Variants in HYDIN observed in about 807,000 individuals in gnomAD.
HYDIN encodes axonemal central pair apparatus protein HYDIN.
Under a neutral mutation model 403.9 loss-of-function variants are expected in HYDIN, and 132 were observed. The observed-to-expected ratio is 0.33, with a 90% CI of 0.28 to 0.38. The LOEUF (loss-of-function observed/expected upper bound fraction) is 0.38, where lower values mean the gene tolerates loss of function less well. Among genes scored for constraint, HYDIN ranks in the 10% least tolerant of loss-of-function variants. HYDIN has a pLI of 1.00. For missense variants in HYDIN, 2,827 were observed against 5,009.5 expected (o/e 0.56, Z 13.15); for synonymous variants, 1,202 against 1,891.7 (o/e 0.64, Z 9.46).
chr16:71,051,660 C>CAAAAAAA (rs1219589325), intron 18 of HYDIN, among the ~76,000 whole-genome samples: 1 of 90,344 alleles, frequency 1.1e-5, no homozygotes, highest in African/African-American at 3.8e-5. Flanking sequence ...AAAAAAAAAA[C>CAAAAAAA]AAAAAAAACA....
intron 37 of HYDIN, among the ~76,000 whole-genome samples, chr16:70,962,546 C>T (rs1416452143): frequency 1.3e-5 from 2 of 152,160 alleles, no homozygotes; most frequent in Admixed American, 6.5e-5. Flanking sequence ...TGAAACTAAG[C>T]TTGGGGTTAT....
chr16:70,960,699 C>CA (rs1291066718), intron 38 of HYDIN, among the ~76,000 whole-genome samples: 2 of 152,086 alleles, frequency 1.3e-5, no homozygotes, highest in East Asian at 3.9e-4. Context: ...TTCTGTTTTT[C>CA]TTTTTTTTCT....
At chr16:71,220,083 A>G (rs1958707387) in intron 1 of HYDIN, among the ~76,000 whole-genome samples, 1 of 152,188 alleles carries the variant, frequency 6.6e-6, no homozygotes, top group Non-Finnish European at 1.5e-5. Flanking sequence ...CCCCCAGAAG[A>G]TTAACATAAA....
chr16:71,107,818 TG>T (rs1426174697), intron 10 of HYDIN, among the ~76,000 whole-genome samples: 6 of 152,214 alleles, frequency 3.9e-5, no homozygotes, highest in Non-Finnish European at 7.3e-5. Context: ...ATACCATTAC[TG>T]GGTATAAACC....
At chr16:71,176,797 A>C (rs1232575991) in intron 4 of HYDIN, among the ~76,000 whole-genome samples, 2 of 152,270 alleles carry the variant, frequency 1.3e-5, no homozygotes, top group African/African-American at 4.8e-5. Flanking sequence ...TTAAAATCAC[A>C]AGTGTTCTGG....
In HYDIN at chr16:70,841,658, C is replaced by A. The variant is rs559534024; in HGVS notation, c.12874-1425G>T. ...GACTAATGCCATCACCGTAGGAGTG[C>A]GTTTGCTATGGCAGGAATAAGTTCA... On this transcript the variant is annotated intron_variant, in intron 75 of 85. Transcript: ENST00000393567. 8.2e-4 allele frequency among the ~76,000 whole-genome samples: 125 copies of A among 152,194 alleles called. 1 individual carries two copies. Among genetic ancestry groups the A allele is most frequent in the African/African-American group, 2.8e-3 (115 of 41,522 alleles).
chr16:71,067,422 G>A lies in HYDIN; in HGVS notation c.1975-32C>T, dbSNP rs369021992. ...AGAAAAAGGTGACAAGTTGGTCTTCGAAAAAGCACGTTCTCTCTACACGGG... is the reference window on the plus strand; with the variant it reads ...AGAAAAAGGTGACAAGTTGGTCTTCAAAAAAGCACGTTCTCTCTACACGGG... On this transcript the variant is annotated intron_variant, in intron 14 of 85. Coordinates refer to ENST00000393567, the MANE Select transcript of HYDIN (RefSeq NM_001270974.2). 636 of 1,400,124 alleles carry A rather than the reference G, an allele frequency of 4.5e-4. 10 individuals are homozygous for A. The highest frequency in any genetic ancestry group is 4.1e-3 in the South Asian group (347 of 84,954). 86.7% of individuals were successfully genotyped at this position (1,400,124 alleles called of 1,614,324 possible). A position where few individuals can be genotyped will look rare whatever the true frequency, so the allele number is the denominator to read the frequency against.
rs1416314052 is a variant in HYDIN, at chr16:71,230,612, A to T, written c.-74T>A. On this transcript the variant is annotated 5_prime_UTR_variant, in exon 1 of 86. Transcript: ENST00000393567. ...TATTCTACCTCCATTCCCCGCCAAG[A>T]CCCCGCGTCCAACTCACAGACCCCG... 1 of 1,535,644 alleles carries T rather than the reference A, an allele frequency of 6.5e-7. No individual in the cohort carries two copies. Among genetic ancestry groups the T allele is most frequent in the African/African-American group, 1.4e-5 (1 of 73,004 alleles).
Position 70,985,193 on chromosome 16 carries a change from G to A in HYDIN, c.4324C>T (p.Pro1442Ser). 1 of 1,610,520 alleles carries A rather than the reference G, an allele frequency of 6.2e-7. No homozygotes were observed. The highest frequency in any genetic ancestry group is 8.5e-7 in the Non-Finnish European group (1 of 1,178,166). The change falls in exon 28 of 86, where the codon CCT becomes TCT. Residue 1442 changes from proline (P) to serine (S), a missense_variant. By Grantham distance (74) the Pro-to-Ser change is moderately conservative (BLOSUM62 -1). Transcript: ENST00000393567. ...NLLPGVPLILPVSGFISSHQE... is the reference protein window; with the variant it reads ...NLLPGVPLILSVSGFISSHQE... ...TCCCACCATTTACTTACAGACACAG[G>A]CAGGATTAGTGGCACTCCAGGGAGA... is the stretch of plus-strand genomic sequence containing the variant.
At position 71,030,917 on chromosome 16, in the gene HYDIN, G is replaced by A. The variant is rs547409757; in HGVS notation, c.2768+762C>T. 4.6e-5 allele frequency among the ~76,000 whole-genome samples: 7 copies of A among 152,116 alleles called. No homozygotes were observed. In the South Asian group the frequency reaches 1.2e-3, roughly 27 times the overall value. On this transcript the variant is annotated intron_variant, in intron 19 of 85. Transcript: ENST00000393567. ...GACATAAGCTTTGCAAAAGCTGCTAGTGACCGGGCACGGTGGCTCATGCCT... is the reference window on the plus strand; with the variant it reads ...GACATAAGCTTTGCAAAAGCTGCTAATGACCGGGCACGGTGGCTCATGCCT...
chr16:70,905,904 A>G (rs2076523140), intron 50 of HYDIN, among the ~76,000 whole-genome samples: 1 of 151,746 alleles, frequency 6.6e-6, no homozygotes, highest in Non-Finnish European at 1.5e-5. Flanking sequence ...CTGGCTTTGA[A>G]GATCTTCTCC....
rs1473947807 is a variant in HYDIN, at chr16:70,921,112, T to G, written c.7264A>C (p.Arg2422=). ...TGCATGCTGACATCGCCCATGTTCC[T>G]TTTCTTCTTATTTAGCTCTTCCTTC... ...SEKEELNKKK[R]NMGDVSMHGL... The change falls in exon 46 of 86, where the codon AGG becomes CGG. Residue 2422 remains arginine, a synonymous_variant. Transcript: ENST00000393567. 1.9e-6 allele frequency: 3 copies of G among 1,545,068 alleles called. No homozygotes were observed. The highest frequency in any genetic ancestry group is 2.7e-5 in the African/African-American group (2 of 73,262).
chr16:70,883,121 A>T (rs1320137225), intron 59 of HYDIN, among the ~76,000 whole-genome samples: 2 of 152,198 alleles, frequency 1.3e-5, no homozygotes, highest in African/African-American at 4.8e-5. Context: ...CCCAATGGTA[A>T]GATCCAAGAT....
At chr16:70,937,623 C>T (rs1428432847) in intron 44 of HYDIN, among the ~76,000 whole-genome samples, 32 of 111,692 alleles carry the variant, frequency 2.9e-4, no homozygotes, top group African/African-American at 9.9e-4. Context: ...CCACTCAAGG[C>T]GTGATGGAGG....
At chr16:71,217,809 C>T (rs2088969316) in intron 1 of HYDIN, among the ~76,000 whole-genome samples, 1 of 152,194 alleles carries the variant, frequency 6.6e-6, no homozygotes, top group Non-Finnish European at 1.5e-5. Flanking sequence ...ACAGCCAGCT[C>T]CAAATCCCTG....
At chr16:71,048,175 T>C (rs542559687) in intron 18 of HYDIN, among the ~76,000 whole-genome samples, 23 of 151,590 alleles carry the variant, frequency 1.5e-4, no homozygotes, top group African/African-American at 5.3e-4. Flanking sequence ...CAGGATCTCA[T>C]TTCTTTTTAC....
At chr16:71,026,570 C>T (rs2144141021) in intron 20 of HYDIN, among the ~76,000 whole-genome samples, 1 of 152,182 alleles carries the variant, frequency 6.6e-6, no homozygotes, top group East Asian at 1.9e-4. Flanking sequence ...TTCATCTTTA[C>T]ATCCTCAGTG....
intron 1 of HYDIN, among the ~76,000 whole-genome samples, chr16:71,216,236 T>C (rs2088874434): frequency 6.6e-6 from 1 of 152,160 alleles, no homozygotes; most frequent in Non-Finnish European, 1.5e-5. Flanking sequence ...TGATAGCATA[T>C]AGAAAAAATT....
At chr16:70,831,201 A>C (rs867837867) in intron 80 of HYDIN, among the ~76,000 whole-genome samples, 14 of 151,992 alleles carry the variant, frequency 9.2e-5, no homozygotes, top group African/African-American at 3.4e-4. Context: ...CTTGACTGAC[A>C]AACTCCAATG....
Sources: allele counts gnomAD v4.1 joint callset (sites outside exome capture counted in the v4.1 genomes callset), GRCh38; gene constraint gnomAD v4.1.1; transcripts MANE v1.5; gene names NCBI Gene and HGNC (gene_info 2026-07-23, HGNC 2026-07-21).